The following LRBA variants were observed in gnomAD, a reference collection of about 807,000 sequenced individuals.
LRBA encodes the protein lipopolysaccharide-responsive and beige-like anchor protein.
LRBA carries 176 observed loss-of-function variants against 330.0 expected under a neutral mutation model. The ratio of observed to expected loss-of-function variants is 0.53; its 90% CI spans 0.47 to 0.60. The LOEUF (loss-of-function observed/expected upper bound fraction) is 0.60. Among genes scored for constraint, LRBA ranks in the 20% least tolerant of loss-of-function variants. The pLI is 0.00. For synonymous variants in LRBA, 1,230 were observed against 1,193.0 expected, an observed-to-expected ratio of 1.03 and a Z score of -0.64; for missense variants, 3,259 against 3,444.8, an observed-to-expected ratio of 0.95 and a Z score of 1.35.
intron 48 of LRBA, among the ~76,000 whole-genome samples, chr4:150,347,141 C>T (rs1417722526): frequency 1.3e-5 from 2 of 152,134 alleles, no homozygotes; most frequent in African/African-American, 2.4e-5. Flanking sequence ...TGCAGCATTC[C>T]ACTTCTATGA....
chr4:150,561,411 T>C (rs1400586891), intron 40 of LRBA, among the ~76,000 whole-genome samples: 1 of 152,178 alleles, frequency 6.6e-6, no homozygotes, highest in African/African-American at 2.4e-5. Flanking sequence ...GAATTACAGT[T>C]GCAAATGGAA....
chr4:150,387,018 G>A (rs1266268786), intron 47 of LRBA, among the ~76,000 whole-genome samples: 1 of 152,110 alleles, frequency 6.6e-6, no homozygotes, highest in Non-Finnish European at 1.5e-5. Context: ...AATGATCAGT[G>A]ATGTTGAGCT....
chr4:150,537,868 T>C (rs2152216207), intron 40 of LRBA, among the ~76,000 whole-genome samples: 1 of 151,990 alleles, frequency 6.6e-6, no homozygotes, highest in African/African-American at 2.4e-5. Context: ...GGCATGAAAA[T>C]TGCTTGAACC....
At chr4:150,838,156 A>G (rs968425845) in intron 28 of LRBA, among the ~76,000 whole-genome samples, 1 of 152,154 alleles carries the variant, frequency 6.6e-6, no homozygotes, top group Non-Finnish European at 1.5e-5. Flanking sequence ...CTGCCAAGAG[A>G]TCCGCTCTTA....
chr4:150,470,539 C>T (rs1755969861), intron 43 of LRBA, among the ~76,000 whole-genome samples: 1 of 152,026 alleles, frequency 6.6e-6, no homozygotes, highest in South Asian at 2.1e-4. Flanking sequence ...TTCTAAGTTC[C>T]GAATATCCTC....
intron 16 of LRBA, among the ~76,000 whole-genome samples, chr4:150,895,910 A>G (rs1730032430): frequency 6.6e-6 from 1 of 152,166 alleles, no homozygotes; most frequent in African/African-American, 2.4e-5. Context: ...ACAGTGTAAA[A>G]GTGTTCCTAT....
intron 35 of LRBA, among the ~76,000 whole-genome samples, chr4:150,752,994 A>T (rs1374612196): frequency 1.3e-5 from 2 of 152,196 alleles, no homozygotes; most frequent in African/African-American, 4.8e-5. Flanking sequence ...TTTATTTGGA[A>T]TTCAGCAGAT....
intron 49 of LRBA, among the ~76,000 whole-genome samples, chr4:150,325,070 T>C (rs1196397913): frequency 2.6e-5 from 4 of 152,128 alleles, no homozygotes; most frequent in Non-Finnish European, 5.9e-5. Flanking sequence ...GATGTGTAGG[T>C]TCAAAAGCAA....
chr4:150,621,307 G>C (rs945531422), intron 37 of LRBA, among the ~76,000 whole-genome samples: 4 of 152,056 alleles, frequency 2.6e-5, no homozygotes, highest in Non-Finnish European at 4.4e-5. Flanking sequence ...TTTAGGAGTT[G>C]TATTTTTAAA....
At chr4:150,489,918 AAC>A (rs1242596383) in intron 41 of LRBA, among the ~76,000 whole-genome samples, 1 of 150,786 alleles carries the variant, frequency 6.6e-6, no homozygotes, top group Non-Finnish European at 1.5e-5. Flanking sequence ...GCAACAGAAA[AAC>A]ACACATATAA....
intron 2 of LRBA, among the ~76,000 whole-genome samples, chr4:150,958,609 T>A (rs1737809437): frequency 6.7e-6 from 1 of 149,348 alleles, no homozygotes; most frequent in African/African-American, 2.6e-5. Context: ...GGTTTTTCTT[T>A]TCTATTGCAT....
chr4:150,578,981 T>C, intron 40 of LRBA: 1 of 301,160 alleles, frequency 3.3e-6, no homozygotes, highest in African/African-American at 2.2e-5. Context: ...AATGAATTTG[T>C]CAAGGACCAT....
At chr4:150,776,638 C>A (rs953797348) in intron 34 of LRBA, among the ~76,000 whole-genome samples, 13 of 151,934 alleles carry the variant, frequency 8.6e-5, no homozygotes, top group African/African-American at 2.7e-4. Flanking sequence ...CATGGTGAAA[C>A]CCCATCTCTA....
intron 37 of LRBA, among the ~76,000 whole-genome samples, chr4:150,634,254 TTC>T (rs1204297409): frequency 6.6e-6 from 1 of 152,258 alleles, no homozygotes; most frequent in Non-Finnish European, 1.5e-5. Flanking sequence ...AGTTTTGTCA[TTC>T]TTCATAGCAT....
intron 47 of LRBA, among the ~76,000 whole-genome samples, chr4:150,400,467 T>C (rs1745314582): frequency 1.3e-5 from 2 of 152,258 alleles, no homozygotes; most frequent in African/African-American, 4.8e-5. Context: ...GAATCCATTA[T>C]ATATTATTCT....
chr4:150,936,227 A>G (rs1482968766), intron 2 of LRBA, among the ~76,000 whole-genome samples: 3 of 152,132 alleles, frequency 2.0e-5, no homozygotes, highest in African/African-American at 7.2e-5. Flanking sequence ...TAATTGTGTT[A>G]AGTCAAGACA....
At chr4:150,895,295 A>T (rs1247096868) in intron 16 of LRBA, among the ~76,000 whole-genome samples, 2 of 151,992 alleles carry the variant, frequency 1.3e-5, no homozygotes. Flanking sequence ...ATTTTTTTTT[A>T]ATTACACTTC....
rs1163127164 is a variant in LRBA at position 150,265,813 on chromosome 4, C to G, written c.8469-1G>C. The G allele has an allele frequency of 2.5e-6, 4 of 1,595,194 alleles. No individual in the cohort carries two copies. The highest frequency in any genetic ancestry group is 2.6e-6 in the Non-Finnish European group (3 of 1,162,968). On this transcript the variant is annotated splice_acceptor_variant, in intron 56 of 56. Coordinates refer to ENST00000651943, the MANE Select transcript of LRBA (RefSeq NM_001364905.1). LOFTEE classifies it high-confidence loss of function. ...TGAAGCCATGCCAGAAATGATGCAC[C>G]TAGGAGAAGCACAGAGAGAAGGACT...
intron 40 of LRBA, among the ~76,000 whole-genome samples, chr4:150,502,956 T>C (rs1760491044): frequency 6.6e-6 from 1 of 152,122 alleles, no homozygotes; most frequent in Non-Finnish European, 1.5e-5. Context: ...CGCTCATTGC[T>C]AGCACAGCAG....
Sources: allele counts gnomAD v4.1 joint callset (sites outside exome capture counted in the v4.1 genomes callset), GRCh38; gene constraint gnomAD v4.1.1; transcripts MANE v1.5; gene names NCBI Gene and HGNC (gene_info 2026-07-23, HGNC 2026-07-21).